Variants in RERE observed in about 807,000 individuals in gnomAD.
RERE encodes the protein arginine-glutamic acid dipeptide repeats, also known as arginine-glutamic acid dipeptide repeats protein.
Under a neutral mutation model 146.1 loss-of-function variants are expected in RERE, and 40 were observed. The observed-to-expected ratio is 0.27, with a 90% CI of 0.21 to 0.36. The LOEUF is 0.36. Among genes scored for constraint, RERE ranks in the 10% least tolerant of loss-of-function variants. The probability of loss-of-function intolerance (pLI) is 1.00; values close to 1 mark genes in which losing one functional copy is unlikely to be tolerated. For synonymous variants in RERE, 1,003 were observed against 866.0 expected, an observed-to-expected ratio of 1.16 and a Z score of -2.78; for missense variants, 1,933 against 2,138.7, an observed-to-expected ratio of 0.90 and a Z score of 1.90.
intron 12 of RERE, among the ~76,000 whole-genome samples, chr1:8,420,618 G>A (rs1485626186): frequency 1.3e-5 from 2 of 152,184 alleles, no homozygotes; most frequent in Non-Finnish European, 2.9e-5. Flanking sequence ...AAGACAGCAA[G>A]GACACTATGA....
At chr1:8,359,460 C>G (rs12126681) in intron 19 of RERE, among the ~76,000 whole-genome samples, 1 of 152,208 alleles carries the variant, frequency 6.6e-6, no homozygotes, top group Admixed American at 6.5e-5. Flanking sequence ...CTTCAAATTA[C>G]TTAGAAGTTA....
intron 12 of RERE, among the ~76,000 whole-genome samples, chr1:8,417,656 C>T (rs969622300): frequency 8.5e-5 from 13 of 152,290 alleles, no homozygotes; most frequent in African/African-American, 3.1e-4. Flanking sequence ...CCATCCTATA[C>T]ATACTTCGGT....
chr1:8,524,936 C>G (rs1337354054), intron 7 of RERE, among the ~76,000 whole-genome samples: 1 of 152,174 alleles, frequency 6.6e-6, no homozygotes, highest in Non-Finnish European at 1.5e-5. Flanking sequence ...GAATAGAATT[C>G]CAAGTCACAT....
In RERE at chr1:8,364,045, A is replaced by T. The variant is rs1361813512; in HGVS notation, c.1740+11T>A. ...AAGTTGCCAGGAGCCCCATGGCCCC[A>T]GGGGACTCACCGAGCCCCGACTCCG... is the stretch of plus-strand genomic sequence containing the variant. On this transcript the variant is annotated intron_variant, in intron 15 of 22. Transcript: ENST00000400908. The surrounding 1 kb of genome is among the most constrained non-coding windows in gnomAD (Gnocchi z 5.1). The T allele has an allele frequency of 1.2e-6, 2 of 1,611,868 alleles. No homozygotes were observed. The highest frequency in any genetic ancestry group is 2.7e-5 in the African/African-American group (2 of 74,874).
intron 12 of RERE, among the ~76,000 whole-genome samples, chr1:8,389,123 G>A (rs1279221726): frequency 6.6e-6 from 1 of 152,204 alleles, no homozygotes; most frequent in Non-Finnish European, 1.5e-5. Context: ...TGGGAAGGGT[G>A]ACATGAAATC....
intron 12 of RERE, among the ~76,000 whole-genome samples, chr1:8,419,296 T>C (rs1643859002): frequency 6.6e-6 from 1 of 152,198 alleles, no homozygotes; most frequent in African/African-American, 2.4e-5. Context: ...TCACAGCCAC[T>C]ATTCCCACTT....
chr1:8,486,794 A>G (rs578028980), intron 10 of RERE, among the ~76,000 whole-genome samples: 38 of 151,648 alleles, frequency 2.5e-4, no homozygotes, highest in African/African-American at 8.9e-4. Flanking sequence ...AAAGAAAAAA[A>G]GCACTTTCTA....
intron 1 of RERE, among the ~76,000 whole-genome samples, chr1:8,800,248 G>A (rs1452807702): frequency 8.6e-6 from 1 of 116,242 alleles, no homozygotes; most frequent in Non-Finnish European, 1.7e-5. Context: ...TACAGAGTGA[G>A]ACTCTACGTC....
chr1:8,595,771 G>A (rs1003251473), intron 4 of RERE, among the ~76,000 whole-genome samples: 13 of 152,186 alleles, frequency 8.5e-5, no homozygotes, highest in Admixed American at 2.0e-4. Flanking sequence ...AGTGGTTAGA[G>A]GGATGTATTG....
intron 1 of RERE, among the ~76,000 whole-genome samples, chr1:8,683,707 C>G (rs1639025608): frequency 6.6e-6 from 1 of 152,176 alleles, no homozygotes; most frequent in African/African-American, 2.4e-5. Context: ...CTTTGGGAGG[C>G]CAAGGCGGGC....
chr1:8,559,290 A>AAAAAAAAC (rs1646046680), intron 4 of RERE, among the ~76,000 whole-genome samples: 3 of 142,114 alleles, frequency 2.1e-5, no homozygotes, highest in Non-Finnish European at 3.1e-5. Context: ...CAAAAAAAAA[A>AAAAAAAAC]AAAAAAAAAA....
chr1:8,606,282 T>C (rs2124163736), intron 4 of RERE, among the ~76,000 whole-genome samples: 1 of 152,334 alleles, frequency 6.6e-6, no homozygotes, highest in East Asian at 1.9e-4. Context: ...TTCTATCTAC[T>C]TTTAATGTCT....
intron 4 of RERE, among the ~76,000 whole-genome samples, chr1:8,607,485 A>G (rs1646730772): frequency 6.7e-6 from 1 of 150,188 alleles, no homozygotes; most frequent in Non-Finnish European, 1.5e-5. Context: ...TTCTATTGCT[A>G]AAAATAAAGC....
chr1:8,781,537 A>G (rs1391856283), intron 1 of RERE, among the ~76,000 whole-genome samples: 2 of 151,736 alleles, frequency 1.3e-5, no homozygotes, highest in Non-Finnish European at 2.9e-5. Flanking sequence ...ACAAATAAAT[A>G]AAAAACAAAA....
chr1:8,744,820 T>C lies in RERE; in HGVS notation c.-145+72340A>G, dbSNP rs536304859. 3.1e-4 allele frequency among the ~76,000 whole-genome samples: 47 copies of C among 152,268 alleles called. No homozygotes were observed. The South Asian group carries it at 3.7e-3, about 12-fold the overall frequency. Reference sequence around the variant, plus strand: ...CTTAAATCTATTAAGATGGAATAAATAGTATGTACAGGATAATGGAGACAA... The same window carrying C: ...CTTAAATCTATTAAGATGGAATAAACAGTATGTACAGGATAATGGAGACAA... On this transcript the variant is annotated intron_variant, in intron 1 of 22. Coordinates refer to ENST00000400908, the MANE Select transcript of RERE (RefSeq NM_001042681.2).
chr1:8,711,216 A>C (rs898083883), intron 1 of RERE, among the ~76,000 whole-genome samples: 1 of 149,888 alleles, frequency 6.7e-6, no homozygotes, highest in Non-Finnish European at 1.5e-5. Flanking sequence ...ATAAGTATTT[A>C]AAGTATTATA....
At chr1:8,690,245 C>G (rs1050886750) in intron 1 of RERE, among the ~76,000 whole-genome samples, 1 of 152,120 alleles carries the variant, frequency 6.6e-6, no homozygotes, top group Admixed American at 6.5e-5. Context: ...GGGCTGTGTC[C>G]TTACATGTCA....
chr1:8,552,526 G>C (rs1044737471), intron 6 of RERE, among the ~76,000 whole-genome samples: 4 of 151,660 alleles, frequency 2.6e-5, no homozygotes, highest in Non-Finnish European at 5.9e-5. Flanking sequence ...TTTATTTTTA[G>C]TAGTACTGGT....
chr1:8,410,328 G>A (rs1643579280), intron 12 of RERE, among the ~76,000 whole-genome samples: 1 of 152,204 alleles, frequency 6.6e-6, no homozygotes, highest in African/African-American at 2.4e-5. Flanking sequence ...CAGAACGGCT[G>A]TTGCAGGAAG....
Sources: allele counts gnomAD v4.1 joint callset (sites outside exome capture counted in the v4.1 genomes callset), GRCh38; gene constraint gnomAD v4.1.1; non-coding constraint Gnocchi (gnomAD v3.1); transcripts MANE v1.5; gene names NCBI Gene and HGNC (gene_info 2026-07-23, HGNC 2026-07-21).